Variants in ZNF438 observed in about 807,000 individuals in gnomAD.
The protein encoded by ZNF438 is zinc finger protein 438.
In ZNF438, 25 loss-of-function variants were observed where a neutral mutation model predicts 38.0. The observed-to-expected ratio is 0.66, with a 90% CI of 0.48 to 0.92. The LOEUF (loss-of-function observed/expected upper bound fraction) is 0.92, where lower values mean the gene tolerates loss of function less well. Ranked by LOEUF, ZNF438 falls within the 40% of genes least tolerant of loss-of-function variation. ZNF438 has a pLI of 0.00. For synonymous variants in ZNF438, 372 were observed against 364.1 expected, an observed-to-expected ratio of 1.02 and a Z score of -0.25; for missense variants, 1,007 against 999.6, an observed-to-expected ratio of 1.01 and a Z score of -0.10.
At chr10:30,850,185 C>G (rs749491710) in exon 5 of ZNF438, 5 of 1,614,086 alleles carry the variant, frequency 3.1e-6, no homozygotes, top group Middle Eastern at 1.6e-4. Context: ...GTGGACATCC[C>G]CAGCAGCTTG....
At chr10:30,890,976 C>T (rs1482672660) in intron 3 of ZNF438, among the ~76,000 whole-genome samples, 7 of 152,152 alleles carry the variant, frequency 4.6e-5, no homozygotes, top group Non-Finnish European at 8.8e-5. Context: ...AGGCAATATT[C>T]CACTGTATTC....
chr10:30,919,224 T>C (rs1471936308), intron 2 of ZNF438: 1 of 152,244 alleles, frequency 6.6e-6, no homozygotes, highest in Non-Finnish European at 1.5e-5. Context: ...GACATCTGTA[T>C]GTACGAGGAT....
chr10:30,926,527 G>A (rs576061520), intron 2 of ZNF438, among the ~76,000 whole-genome samples: 180 of 152,122 alleles, frequency 1.2e-3, no homozygotes, highest in African/African-American at 4.2e-3. Context: ...TTAGCCAGGC[G>A]TGGTGGCGGG....
intron 3 of ZNF438, among the ~76,000 whole-genome samples, chr10:30,901,791 G>A (rs996848712): frequency 2.0e-5 from 3 of 152,170 alleles, no homozygotes; most frequent in Non-Finnish European, 4.4e-5. Flanking sequence ...CCCTCACGGT[G>A]AGTGTTACAG....
At chr10:30,959,051 CAT>C (rs1160397753) in intron 1 of ZNF438, among the ~76,000 whole-genome samples, 2 of 147,174 alleles carry the variant, frequency 1.4e-5, no homozygotes, top group Non-Finnish European at 3.1e-5. Context: ...TTTGTGTGAA[CAT>C]ATGTTTTCAT....
chr10:31,021,491 T>C (rs2056590865), intron 1 of ZNF438, among the ~76,000 whole-genome samples: 1 of 152,248 alleles, frequency 6.6e-6, no homozygotes, highest in African/African-American at 2.4e-5. Context: ...GGTTTTGTAT[T>C]GTTGGAATTT....
intron 2 of ZNF438, among the ~76,000 whole-genome samples, chr10:30,909,650 T>C (rs913822709): frequency 6.6e-6 from 1 of 152,218 alleles, no homozygotes; most frequent in Non-Finnish European, 1.5e-5. Flanking sequence ...TAATACTGCA[T>C]GGTGAATCAT....
At chr10:30,987,834 G>A (rs974162521) in intron 1 of ZNF438, among the ~76,000 whole-genome samples, 4 of 152,204 alleles carry the variant, frequency 2.6e-5, no homozygotes, top group Admixed American at 1.3e-4. Flanking sequence ...CCAGCCTTCC[G>A]AACCGGGAGA....
chr10:30,878,573 C>T (rs2038790110), intron 3 of ZNF438, among the ~76,000 whole-genome samples: 1 of 152,088 alleles, frequency 6.6e-6, no homozygotes, highest in African/African-American at 2.4e-5. Context: ...TGCAGGTACC[C>T]AAAAAAGGCT....
chr10:30,982,134 C>T (rs1226213855), intron 1 of ZNF438, among the ~76,000 whole-genome samples: 19 of 147,216 alleles, frequency 1.3e-4, no homozygotes, highest in Middle Eastern at 7.0e-3. Flanking sequence ...TGGAGTCTCG[C>T]GCTGTCACCC....
At chr10:30,968,990 G>A (rs75818485) in intron 1 of ZNF438, among the ~76,000 whole-genome samples, 1 of 152,076 alleles carries the variant, frequency 6.6e-6, no homozygotes, top group Non-Finnish European at 1.5e-5. Context: ...AGATGGTGAG[G>A]GCATGGGTTA....
At chr10:30,926,590 C>T (rs1254477077) in intron 2 of ZNF438, among the ~76,000 whole-genome samples, 2 of 151,532 alleles carry the variant, frequency 1.3e-5, no homozygotes, top group African/African-American at 2.4e-5. Context: ...CACTTGAACC[C>T]GGAAGGCAGA....
intron 3 of ZNF438, among the ~76,000 whole-genome samples, chr10:30,902,909 G>A (rs961926155): frequency 1.4e-4 from 22 of 152,234 alleles, no homozygotes; most frequent in Non-Finnish European, 2.1e-4. Context: ...ATGGCAGAGC[G>A]GGGAGACTCA....
exon 6 of ZNF438, chr10:30,844,848 C>T: frequency 7.6e-7 from 1 of 1,318,254 alleles, no homozygotes; most frequent in Non-Finnish European, 1.0e-6. Context: ...TTTCTGTTCA[C>T]TCACACCAAT....
At chr10:31,005,616 C>T (rs1221202789) in intron 1 of ZNF438, among the ~76,000 whole-genome samples, 1 of 152,018 alleles carries the variant, frequency 6.6e-6, no homozygotes, top group Non-Finnish European at 1.5e-5. Flanking sequence ...TAATACTGTA[C>T]TGTATTTGAG....
At chr10:31,031,650 C>A (rs574394559) in intron 1 of ZNF438, among the ~76,000 whole-genome samples, 183 bp downstream of exon 1, 2 of 152,222 alleles carry the variant, frequency 1.3e-5, no homozygotes, top group East Asian at 3.9e-4. Flanking sequence ...CCTCGCCTCC[C>A]GCACCCCAGG....
intron 4 of ZNF438, among the ~76,000 whole-genome samples, chr10:30,865,961 C>T (rs890891966): frequency 1.3e-5 from 2 of 152,160 alleles, no homozygotes; most frequent in African/African-American, 4.8e-5. Flanking sequence ...ATCAAGATGT[C>T]ATTTGCCTTG....
At chr10:30,850,329 T>C in exon 5 of ZNF438, 1 of 1,614,128 alleles carries the variant, frequency 6.2e-7, no homozygotes, top group East Asian at 2.2e-5. Context: ...TGCAAACCTT[T>C]CCTACTCTGT....
At chr10:30,931,751 C>T (rs1280825034) in intron 2 of ZNF438, among the ~76,000 whole-genome samples, 2 of 152,150 alleles carry the variant, frequency 1.3e-5, no homozygotes, top group Non-Finnish European at 2.9e-5. Flanking sequence ...TTCTTTACAC[C>T]TTCTCTATCA....
Sources: gnomAD v4.1 joint callset for allele counts (sites outside exome capture counted in the v4.1 genomes callset) on GRCh38, gnomAD v4.1.1 for gene constraint, MANE v1.5 for transcripts, NCBI Gene and HGNC (gene_info 2026-07-23, HGNC 2026-07-21) for gene names.